The following NFIA variants were observed in gnomAD, a reference collection of about 807,000 sequenced individuals.
NFIA encodes the protein nuclear factor I A, also known as nuclear factor 1 A-type.
In NFIA, 8 loss-of-function variants were observed where a neutral mutation model predicts 62.8. The ratio of observed to expected loss-of-function variants is 0.13; its 90% CI spans 0.07 to 0.23. The LOEUF (loss-of-function observed/expected upper bound fraction) is 0.23. NFIA is among the 10% of genes least tolerant of loss of function. NFIA has a pLI of 1.00. For synonymous variants in NFIA, 235 were observed against 238.1 expected, an observed-to-expected ratio of 0.99 and a Z score of 0.12; for missense variants, 410 against 642.1, an observed-to-expected ratio of 0.64 and a Z score of 3.91.
chr1:61,382,148 C>T (rs549991463), intron 6 of NFIA, among the ~76,000 whole-genome samples: 2 of 152,226 alleles, frequency 1.3e-5, no homozygotes, highest in Non-Finnish European at 2.9e-5. Context: ...GATGCGGAGA[C>T]TAGGAGTCAT....
At chr1:61,186,737 ACTT>A (rs1352885200) in intron 2 of NFIA, among the ~76,000 whole-genome samples, 2 of 152,214 alleles carry the variant, frequency 1.3e-5, no homozygotes, top group East Asian at 1.9e-4. Context: ...ATACCTATGT[ACTT>A]CTTTTACTAA....
chr1:61,323,295 A>G (rs1304787790), intron 3 of NFIA, among the ~76,000 whole-genome samples: 2 of 152,200 alleles, frequency 1.3e-5, no homozygotes, highest in African/African-American at 4.8e-5. Context: ...TTAGCTGACA[A>G]ACATTTCTGC....
At position 61,210,801 on chromosome 1, in the gene NFIA, C is replaced by A. The variant is rs188764604; in HGVS notation, c.560-66719C>A. ...ATCTGTAAAGTGAGCATTTTTATCCCCTTTCCTTGGCTCTCTTGGCTCCAT... is the reference window on the plus strand; with the variant it reads ...ATCTGTAAAGTGAGCATTTTTATCCACTTTCCTTGGCTCTCTTGGCTCCAT... On this transcript the variant is annotated intron_variant, in intron 2 of 10. Coordinates refer to ENST00000403491, the MANE Select transcript of NFIA (RefSeq NM_001134673.4). 4.6e-3 allele frequency among the ~76,000 whole-genome samples: 695 copies of A among 152,286 alleles called. 5 individuals are homozygous for A. The highest frequency in any genetic ancestry group is 0.015 in the African/African-American group (642 of 41,560).
At chr1:61,226,077 C>G (rs1441696031) in intron 2 of NFIA, among the ~76,000 whole-genome samples, 2 of 152,130 alleles carry the variant, frequency 1.3e-5, no homozygotes, top group Non-Finnish European at 2.9e-5. Flanking sequence ...ATACAACAAA[C>G]ATGTGTAACA....
At position 61,457,299 on chromosome 1, in the gene NFIA, G is replaced by A. The variant is rs186684811; in HGVS notation, c.*1979G>A. 6.6e-6 allele frequency: 1 copy of A among 152,220 alleles called. No individual in the cohort carries two copies. The highest frequency in any genetic ancestry group is 2.4e-5 in the African/African-American group (1 of 41,538). 9.4% of individuals were successfully genotyped at this position (152,220 alleles called of 1,614,324 possible). A position where few individuals can be genotyped will look rare whatever the true frequency, so the allele number is the denominator to read the frequency against. On this transcript the variant is annotated 3_prime_UTR_variant, in exon 11 of 11. Transcript: ENST00000403491. The surrounding 1 kb of genome is among the most constrained non-coding windows in gnomAD (Gnocchi z 4.2). Reference sequence around the variant, plus strand: ...GATAGCGATTATTTGTGGAATTGTTGCACATGCTCCTCTATTGAAAGGGGT... The same window carrying A: ...GATAGCGATTATTTGTGGAATTGTTACACATGCTCCTCTATTGAAAGGGGT...
intron 7 of NFIA, among the ~76,000 whole-genome samples, chr1:61,391,639 C>T (rs1333950427): frequency 6.6e-6 from 1 of 152,130 alleles, no homozygotes; most frequent in Non-Finnish European, 1.5e-5. Context: ...TAGAATATTT[C>T]CTGTGGCATT....
chr1:61,126,763 C>T (rs1039730030), intron 2 of NFIA, among the ~76,000 whole-genome samples: 16 of 140,482 alleles, frequency 1.1e-4, no homozygotes, highest in African/African-American at 4.2e-4. Context: ...TGGTCAGTAA[C>T]TATTGTCAGA....
At chr1:61,096,164 A>T (rs1212038835) in intron 2 of NFIA, among the ~76,000 whole-genome samples, 1 of 152,174 alleles carries the variant, frequency 6.6e-6, no homozygotes, top group African/African-American at 2.4e-5. Context: ...TTGAAGATGG[A>T]CATGTTTCAA....
intron 3 of NFIA, among the ~76,000 whole-genome samples, chr1:61,300,793 C>T (rs1191546265): frequency 6.6e-6 from 1 of 151,876 alleles, no homozygotes; most frequent in Non-Finnish European, 1.5e-5. Context: ...CATAGAGGTA[C>T]ATACACATGT....
At chr1:61,260,516 A>G (rs549074730) in intron 2 of NFIA, among the ~76,000 whole-genome samples, 2 of 152,234 alleles carry the variant, frequency 1.3e-5, no homozygotes, top group Non-Finnish European at 2.9e-5. Context: ...TACATGCTCA[A>G]TAAATATTTG....
intron 2 of NFIA, among the ~76,000 whole-genome samples, chr1:61,187,031 G>C (rs1039883575): frequency 2.0e-5 from 3 of 152,170 alleles, no homozygotes; most frequent in African/African-American, 7.2e-5. Context: ...ATTCAGTAAA[G>C]AGCCAGTTTC....
At chr1:61,123,839 G>A (rs1646927352) in intron 2 of NFIA, among the ~76,000 whole-genome samples, 1 of 152,162 alleles carries the variant, frequency 6.6e-6, no homozygotes, top group Admixed American at 6.5e-5. Flanking sequence ...TTGGTATAAA[G>A]CTGATGGTCC....
At chr1:61,187,001 T>TA (rs926193448) in intron 2 of NFIA, among the ~76,000 whole-genome samples, 30 of 152,214 alleles carry the variant, frequency 2.0e-4, no homozygotes, top group Non-Finnish European at 3.7e-4. Flanking sequence ...GCTTTCATAA[T>TA]ACATGGAAGC....
At chr1:61,224,900 G>T (rs1040986982) in intron 2 of NFIA, among the ~76,000 whole-genome samples, 1 of 152,030 alleles carries the variant, frequency 6.6e-6, no homozygotes, top group Admixed American at 6.5e-5. Flanking sequence ...TGCTGCAAAG[G>T]TCATTTCATG....
At chr1:61,115,033 G>A (rs1196716001) in intron 2 of NFIA, among the ~76,000 whole-genome samples, 1 of 152,186 alleles carries the variant, frequency 6.6e-6, no homozygotes, top group Non-Finnish European at 1.5e-5. Context: ...AGGCTGGAGT[G>A]CAGTGGTGCG....
At chr1:61,240,826 C>G (rs955365917) in intron 2 of NFIA, among the ~76,000 whole-genome samples, 1 of 151,970 alleles carries the variant, frequency 6.6e-6, no homozygotes, top group Non-Finnish European at 1.5e-5. Context: ...TTTTCAAGGA[C>G]AGAACTTATT....
chr1:61,107,157 A>G (rs1390137418), intron 2 of NFIA, among the ~76,000 whole-genome samples: 1 of 151,454 alleles, frequency 6.6e-6, no homozygotes, highest in Non-Finnish European at 1.5e-5. Flanking sequence ...AGTGTGTAAA[A>G]GTTTCTTTAT....
At chr1:61,384,937 G>T (rs2100488975) in intron 7 of NFIA, among the ~76,000 whole-genome samples, 1 of 152,200 alleles carries the variant, frequency 6.6e-6, no homozygotes, top group East Asian at 1.9e-4. Context: ...AAATAAGCAA[G>T]TAAAAGATGA....
chr1:61,257,983 A>T (rs1656532939), intron 2 of NFIA, among the ~76,000 whole-genome samples: 1 of 146,366 alleles, frequency 6.8e-6, no homozygotes, highest in African/African-American at 2.6e-5. Context: ...GATTACAGGG[A>T]TGTAATCCTG....
Sources: allele counts gnomAD v4.1 joint callset (sites outside exome capture counted in the v4.1 genomes callset), GRCh38; gene constraint gnomAD v4.1.1; non-coding constraint Gnocchi (gnomAD v3.1); transcripts MANE v1.5; gene names NCBI Gene and HGNC (gene_info 2026-07-23, HGNC 2026-07-21).